SCLT1: variants seen among roughly 807,000 people sequenced by gnomAD.
The protein encoded by SCLT1 is sodium channel and clathrin linker 1.
A neutral mutation model predicts 112.8 loss-of-function variants in SCLT1; 78 were observed. The ratio of observed to expected loss-of-function variants is 0.69; its 90% CI spans 0.58 to 0.83. SCLT1 has a LOEUF of 0.83. Among genes scored for constraint, SCLT1 ranks in the 40% least tolerant of loss-of-function variants. The pLI, the probability that SCLT1 is intolerant of heterozygous loss-of-function variation, is 0.00. For missense variants in SCLT1, 747 were observed against 770.4 expected (o/e 0.97, Z 0.36); for synonymous variants, 257 against 254.7 (o/e 1.01, Z -0.09).
chr4:128,971,143 T>C (rs1344294975), intron 9 of SCLT1: 2 of 152,194 alleles, frequency 1.3e-5, no homozygotes, highest in Non-Finnish European at 2.9e-5. Flanking sequence ...TGATTTTTAA[T>C]ATCATCATAA....
At chr4:128,926,341 C>T (rs1736298802) in intron 18 of SCLT1, among the ~76,000 whole-genome samples, 1 of 152,078 alleles carries the variant, frequency 6.6e-6, no homozygotes, top group Non-Finnish European at 1.5e-5. Flanking sequence ...CTCTGGCCGA[C>T]TGGAACTCTC....
downstream of SCLT1, among the ~76,000 whole-genome samples, chr4:128,879,485 T>C (rs954428447): frequency 1.3e-5 from 2 of 152,194 alleles, no homozygotes; most frequent in Admixed American, 6.5e-5. Context: ...TGTTGCACAA[T>C]AGTACAATTC....
At chr4:128,931,855 G>C (rs575221267) in intron 18 of SCLT1, among the ~76,000 whole-genome samples, 1 of 152,196 alleles carries the variant, frequency 6.6e-6, no homozygotes, top group South Asian at 2.1e-4. Flanking sequence ...TCACTGCTGA[G>C]CTTTGAATCC....
chr4:129,087,820 G>A (rs1475182058), intron 1 of SCLT1, among the ~76,000 whole-genome samples: 10 of 150,558 alleles, frequency 6.6e-5, no homozygotes, highest in African/African-American at 2.4e-4. Flanking sequence ...GGTTGGGCAT[G>A]ATAGCTCATG....
chr4:128,908,752 A>C (rs1734877850), intron 18 of SCLT1, among the ~76,000 whole-genome samples: 1 of 152,192 alleles, frequency 6.6e-6, no homozygotes, highest in African/African-American at 2.4e-5. Flanking sequence ...TGGAGGTAAA[A>C]GTTAGTGATA....
intron 2 of SCLT1, among the ~76,000 whole-genome samples, chr4:129,049,886 C>T (rs1748594424): frequency 6.6e-6 from 1 of 152,090 alleles, no homozygotes; most frequent in Non-Finnish European, 1.5e-5. Context: ...CTCTCCTTCC[C>T]CTTACATGCC....
chr4:128,908,708 T>C (rs1734873627), intron 18 of SCLT1, among the ~76,000 whole-genome samples: 2 of 152,352 alleles, frequency 1.3e-5, no homozygotes, highest in South Asian at 2.1e-4. Context: ...ATGTGTACCA[T>C]ACATTTCCCA....
At chr4:128,975,559 T>C (rs974180680) in intron 9 of SCLT1, among the ~76,000 whole-genome samples, 2 of 152,174 alleles carry the variant, frequency 1.3e-5, no homozygotes, top group Non-Finnish European at 2.9e-5. Context: ...AAGAGAATCC[T>C]AGAAATGTTT....
intron 5 of SCLT1, among the ~76,000 whole-genome samples, chr4:129,014,999 T>C (rs555504691): frequency 4.0e-4 from 61 of 152,174 alleles, no homozygotes; most frequent in Admixed American, 7.2e-4. Context: ...GTGCCTTCTC[T>C]GTGGTAGCTC....
chr4:128,948,299 G>A (rs1738366267), intron 15 of SCLT1, among the ~76,000 whole-genome samples, 197 bp downstream of exon 15: 1 of 123,894 alleles, frequency 8.1e-6, no homozygotes, highest in African/African-American at 3.2e-5. Flanking sequence ...TCATGCCACT[G>A]CAATCCAGCC....
chr4:128,965,829 C>CT (rs34253075), intron 10 of SCLT1, among the ~76,000 whole-genome samples: 10,563 of 123,800 alleles, frequency 0.085, 640 homozygotes, highest in South Asian at 0.14. Flanking sequence ...GATGCCATAA[C>CT]TTTTTTTTTT....
chr4:129,081,747 G>A (rs1751957302), intron 2 of SCLT1, among the ~76,000 whole-genome samples: 1 of 152,090 alleles, frequency 6.6e-6, no homozygotes, highest in Admixed American at 6.6e-5. Flanking sequence ...ACCAGATTAA[G>A]TTCTAATTAT....
chr4:129,004,483 A>C (rs1743816434), intron 5 of SCLT1, among the ~76,000 whole-genome samples: 1 of 152,076 alleles, frequency 6.6e-6, no homozygotes. Flanking sequence ...TAAATTACAG[A>C]TATTTCATGC....
At chr4:129,062,737 T>C (rs1181974501) in intron 2 of SCLT1, among the ~76,000 whole-genome samples, 1 of 152,160 alleles carries the variant, frequency 6.6e-6, no homozygotes, top group Non-Finnish European at 1.5e-5. Context: ...ATCTGTAAGG[T>C]ATCTGTTGAG....
At chr4:128,895,146 T>A (rs1391543052) in intron 18 of SCLT1, among the ~76,000 whole-genome samples, 2 of 152,174 alleles carry the variant, frequency 1.3e-5, no homozygotes, top group Non-Finnish European at 2.9e-5. Flanking sequence ...TTTCTCAATA[T>A]CAGGTGAAAC....
intron 18 of SCLT1, among the ~76,000 whole-genome samples, chr4:128,902,634 A>G (rs1202819324): frequency 1.3e-5 from 2 of 152,310 alleles, no homozygotes; most frequent in Admixed American, 1.3e-4. Flanking sequence ...TGAGTGGAGA[A>G]TGAATGGGAA....
At chr4:129,003,595 T>C in intron 6 of SCLT1, 146 bp downstream of exon 6, 1 of 615,302 alleles carries the variant, frequency 1.6e-6, no homozygotes, top group Non-Finnish European at 2.7e-6. Context: ...ATTACAAGTG[T>C]TGCTACCTGT....
chr4:129,028,501 C>T (rs1248202573), intron 5 of SCLT1, among the ~76,000 whole-genome samples: 3 of 152,118 alleles, frequency 2.0e-5, no homozygotes, highest in Non-Finnish European at 2.9e-5. Context: ...TGGATCCCTT[C>T]CTTACACCTT....
At chr4:129,031,745 A>G (rs1222234244) in intron 5 of SCLT1, among the ~76,000 whole-genome samples, 1 of 152,164 alleles carries the variant, frequency 6.6e-6, no homozygotes, top group Non-Finnish European at 1.5e-5. Flanking sequence ...TAGGAATCCA[A>G]CTTACAAGGG....
Sources: gnomAD v4.1 joint callset for allele counts (sites outside exome capture counted in the v4.1 genomes callset) on GRCh38, gnomAD v4.1.1 for gene constraint, MANE v1.5 for transcripts, NCBI Gene and HGNC (gene_info 2026-07-23, HGNC 2026-07-21) for gene names.